KCNMA1: variants seen among roughly 807,000 people sequenced by gnomAD.
The protein encoded by KCNMA1 is Calcium-activated potassium channel subunit alpha-1.
Under a neutral mutation model 140.0 loss-of-function variants are expected in KCNMA1, and 29 were observed. That is an observed-to-expected ratio of 0.21 (90% CI 0.15 to 0.28). The LOEUF (loss-of-function observed/expected upper bound fraction) is 0.28, where lower values mean the gene tolerates loss of function less well. Ranked by LOEUF, KCNMA1 falls within the 10% of genes least tolerant of loss-of-function variation. The pLI is 1.00. For synonymous variants in KCNMA1, 612 were observed against 611.9 expected, an observed-to-expected ratio of 1.00 and a Z score of 0.00; for missense variants, 880 against 1,602.2, an observed-to-expected ratio of 0.55 and a Z score of 7.70.
intron 1 of KCNMA1, among the ~76,000 whole-genome samples, chr10:77,405,985 G>T (rs1047726216): frequency 1.3e-5 from 2 of 152,162 alleles, no homozygotes; most frequent in African/African-American, 4.8e-5. Context: ...AGAGAAAAGT[G>T]GGACCTGCAG....
chr10:77,576,304 C>T (rs867824672), intron 1 of KCNMA1, among the ~76,000 whole-genome samples: 1 of 152,250 alleles, frequency 6.6e-6, no homozygotes, highest in Non-Finnish European at 1.5e-5. Flanking sequence ...GAGAGACTTG[C>T]TCTGAGCCAC....
chr10:77,203,770 T>C (rs942233241), intron 3 of KCNMA1, among the ~76,000 whole-genome samples: 9 of 152,028 alleles, frequency 5.9e-5, no homozygotes, highest in Non-Finnish European at 1.3e-4. Flanking sequence ...CCCAACATGG[T>C]TTCAAATGGC....
intron 2 of KCNMA1, among the ~76,000 whole-genome samples, chr10:77,379,491 C>A (rs2095305350): frequency 1.3e-5 from 2 of 148,806 alleles, no homozygotes; most frequent in African/African-American, 2.5e-5. Context: ...AAGCAGAAAA[C>A]AAGAGTAACA....
intron 23 of KCNMA1, among the ~76,000 whole-genome samples, chr10:76,917,146 T>C (rs2053285828): frequency 6.6e-6 from 1 of 152,206 alleles, no homozygotes; most frequent in Non-Finnish European, 1.5e-5. Context: ...TCATTAGAAG[T>C]TTCATTCAAA....
intron 1 of KCNMA1, among the ~76,000 whole-genome samples, chr10:77,490,457 T>C (rs1248303264): frequency 6.6e-6 from 1 of 152,160 alleles, no homozygotes; most frequent in East Asian, 1.9e-4. Flanking sequence ...AAAATAAAAT[T>C]ATCATCACCC....
intron 1 of KCNMA1, among the ~76,000 whole-genome samples, chr10:77,630,909 A>G (rs2093105904): frequency 6.6e-6 from 1 of 151,912 alleles, no homozygotes; most frequent in African/African-American, 2.4e-5. Context: ...AGTTCAAGAC[A>G]AGCCTGGGCA....
At chr10:77,587,773 C>A in intron 1 of KCNMA1, 1 of 985,380 alleles carries the variant, frequency 1.0e-6, no homozygotes, top group Non-Finnish European at 1.2e-6. Context: ...GATCAACAAG[C>A]AAACACTTAC....
intron 1 of KCNMA1, among the ~76,000 whole-genome samples, chr10:77,538,524 C>G (rs2079285581): frequency 6.6e-6 from 1 of 152,222 alleles, no homozygotes; most frequent in African/African-American, 2.4e-5. Flanking sequence ...AGAATCCCAG[C>G]TCCACAGCTT....
Position 77,592,010 on chromosome 10 carries a change from G to A in KCNMA1, c.378+45255C>T, listed in dbSNP as rs11594156. On this transcript the variant is annotated intron_variant, in intron 1 of 27. Coordinates refer to ENST00000286628, the MANE Select transcript of KCNMA1 (RefSeq NM_001161352.2). ...CCTGGGAGTTCAGTCTCATTCGTTC[G>A]CCCAGCAAATATTGACTGAGCATGG... is the stretch of plus-strand genomic sequence containing the variant. Among the ~76,000 whole-genome samples, 1,017 of 152,156 alleles carry A rather than the reference G, an allele frequency of 6.7e-3. 6 individuals are homozygous for A. Among genetic ancestry groups the A allele is most frequent in the Non-Finnish European group, 0.01 (685 of 68,012 alleles).
At chr10:77,491,747 AC>A (rs2039986307) in intron 1 of KCNMA1, among the ~76,000 whole-genome samples, 1 of 146,178 alleles carries the variant, frequency 6.8e-6, no homozygotes, top group African/African-American at 2.6e-5. Flanking sequence ...ACACACACAC[AC>A]ACACACCCTA....
intron 3 of KCNMA1, among the ~76,000 whole-genome samples, chr10:77,219,066 G>C (rs912799293): frequency 1.3e-5 from 2 of 151,972 alleles, no homozygotes; most frequent in African/African-American, 4.8e-5. Context: ...GTGCCCTCCT[G>C]GTTCATTTCG....
chr10:76,899,405 A>G (rs1002708512), intron 25 of KCNMA1, among the ~76,000 whole-genome samples: 9 of 152,190 alleles, frequency 5.9e-5, no homozygotes, highest in Non-Finnish European at 1.2e-4. Flanking sequence ...ACCAGAATGG[A>G]TTTATGAGAA....
chr10:77,189,352 G>T (rs564449851), intron 3 of KCNMA1, among the ~76,000 whole-genome samples: 66 of 152,254 alleles, frequency 4.3e-4, no homozygotes, highest in African/African-American at 1.5e-3. Flanking sequence ...TGGGATCAAG[G>T]GGTTGAACAG....
At chr10:77,029,139 A>G (rs1331027820) in intron 15 of KCNMA1, among the ~76,000 whole-genome samples, 1 of 152,244 alleles carries the variant, frequency 6.6e-6, no homozygotes, top group East Asian at 1.9e-4. Flanking sequence ...AGATGAACCT[A>G]TACACTTACA....
chr10:77,474,545 G>A (rs2098236688), intron 1 of KCNMA1, among the ~76,000 whole-genome samples: 1 of 152,178 alleles, frequency 6.6e-6, no homozygotes, highest in African/African-American at 2.4e-5. Flanking sequence ...ACTGTCGGTT[G>A]TGTGAGCCAC....
At chr10:77,003,698 C>G (rs989614957) in intron 18 of KCNMA1, among the ~76,000 whole-genome samples, 8 of 152,150 alleles carry the variant, frequency 5.3e-5, no homozygotes, top group Non-Finnish European at 1.2e-4. Context: ...TAGCAACGGT[C>G]CCTGGTTTTC....
At chr10:77,446,557 T>G (rs1237418306) in intron 1 of KCNMA1, among the ~76,000 whole-genome samples, 1 of 152,238 alleles carries the variant, frequency 6.6e-6, no homozygotes, top group Non-Finnish European at 1.5e-5. Context: ...TAGTCAAGGA[T>G]GAGCTGAGCC....
chr10:77,572,911 C>A (rs938505695), intron 1 of KCNMA1, among the ~76,000 whole-genome samples: 1 of 152,000 alleles, frequency 6.6e-6, no homozygotes, highest in Non-Finnish European at 1.5e-5. Context: ...GTTTGGGCTG[C>A]ACATCACAGT....
chr10:77,625,343 T>C (rs182382594), intron 1 of KCNMA1, among the ~76,000 whole-genome samples: 16 of 152,120 alleles, frequency 1.1e-4, no homozygotes, highest in African/African-American at 3.9e-4. Flanking sequence ...ATCATGCCAC[T>C]GCACTCCAGC....
Sources: gnomAD v4.1 joint callset for allele counts (sites outside exome capture counted in the v4.1 genomes callset) on GRCh38, gnomAD v4.1.1 for gene constraint, MANE v1.5 for transcripts, NCBI Gene and HGNC (gene_info 2026-07-23, HGNC 2026-07-21) for gene names.